Variants in NRXN3 observed in about 807,000 individuals in gnomAD.
NRXN3 encodes neurexin 3.
Under a neutral mutation model 137.6 loss-of-function variants are expected in NRXN3, and 32 were observed. That is an observed-to-expected ratio of 0.23 (90% CI 0.18 to 0.31). NRXN3 has a LOEUF of 0.31. Ranked by LOEUF, NRXN3 falls within the 10% of genes least tolerant of loss-of-function variation. The pLI, the probability that NRXN3 is intolerant of heterozygous loss-of-function variation, is 1.00. For missense variants in NRXN3, 1,574 were observed against 2,062.5 expected (o/e 0.76, Z 4.59); for synonymous variants, 798 against 784.5 (o/e 1.02, Z -0.29).
intron 19 of NRXN3, among the ~76,000 whole-genome samples, chr14:79,782,395 T>G (rs909116084): frequency 6.6e-6 from 1 of 152,194 alleles, no homozygotes; most frequent in African/African-American, 2.4e-5. Context: ...TGACCTTGGA[T>G]GAGTCATGGT....
Position 79,237,140 on chromosome 14 carries a change from A to C in NRXN3, c.3263-230081A>C, listed in dbSNP as rs1486629563. Reference sequence around the variant, plus strand: ...TTAGAGAAAGCTTGAAAAGTTAATTAAAATCAACTTATGTCTCAACATTTT... The same window carrying C: ...TTAGAGAAAGCTTGAAAAGTTAATTCAAATCAACTTATGTCTCAACATTTT... On this transcript the variant is annotated intron_variant, in intron 15 of 20. Transcript: ENST00000335750. 3.3e-5 allele frequency among the ~76,000 whole-genome samples: 5 copies of C among 152,108 alleles called. No homozygotes were observed. The East Asian group carries it at 9.7e-4, about 29-fold the overall frequency.
At chr14:78,732,845 G>T (rs1314132224) in intron 8 of NRXN3, among the ~76,000 whole-genome samples, 4 of 152,286 alleles carry the variant, frequency 2.6e-5, no homozygotes, top group East Asian at 1.9e-4. Flanking sequence ...GCCAGAAAAG[G>T]TTAGTGGGAT....
At position 79,361,652 on chromosome 14, in the gene NRXN3, G is replaced by C. The variant is rs369034466; in HGVS notation, c.3263-105569G>C. Reference sequence around the variant, plus strand: ...GAATCACTTGAACCCAGGAGGCAGAGGTTGCAGTGAGCTGAAATCACGCCA... The same window carrying C: ...GAATCACTTGAACCCAGGAGGCAGACGTTGCAGTGAGCTGAAATCACGCCA... On this transcript the variant is annotated intron_variant, in intron 15 of 20. Transcript: ENST00000335750. 2.9e-3 allele frequency among the ~76,000 whole-genome samples: 441 copies of C among 152,290 alleles called. 3 individuals carry two copies. Among genetic ancestry groups the C allele is most frequent in the African/African-American group, 0.01 (422 of 41,556 alleles).
At chr14:79,660,603 C>A (rs1245503747) in intron 16 of NRXN3, among the ~76,000 whole-genome samples, 1 of 152,144 alleles carries the variant, frequency 6.6e-6, no homozygotes, top group Admixed American at 6.5e-5. Flanking sequence ...ATATATCTTG[C>A]TGATCAGCGA....
intron 19 of NRXN3, among the ~76,000 whole-genome samples, chr14:79,769,493 T>A (rs931593935): frequency 6.6e-6 from 1 of 152,130 alleles, no homozygotes; most frequent in Non-Finnish European, 1.5e-5. Context: ...AAAAGAACTT[T>A]CAACCCAGAA....
intron 16 of NRXN3, among the ~76,000 whole-genome samples, chr14:79,638,184 G>T (rs1225401751): frequency 6.6e-6 from 1 of 152,140 alleles, no homozygotes; most frequent in African/African-American, 2.4e-5. Flanking sequence ...ATAACATGCT[G>T]TAAGTCTGGA....
At chr14:79,334,534 G>A (rs1353777943) in intron 15 of NRXN3, among the ~76,000 whole-genome samples, 5 of 152,214 alleles carry the variant, frequency 3.3e-5, no homozygotes, top group African/African-American at 1.2e-4. Flanking sequence ...GGTAAAGTGA[G>A]GTCAAAGAGA....
intron 15 of NRXN3, among the ~76,000 whole-genome samples, chr14:79,108,430 T>C (rs1478452813): frequency 1.3e-5 from 2 of 152,172 alleles, no homozygotes; most frequent in Non-Finnish European, 2.9e-5. Flanking sequence ...TGGACTTTGC[T>C]ACCTGACAAA....
chr14:78,347,081 C>T (rs1326133764), intron 4 of NRXN3, among the ~76,000 whole-genome samples: 1 of 152,148 alleles, frequency 6.6e-6, no homozygotes, highest in Non-Finnish European at 1.5e-5. Context: ...GTTTTATTAA[C>T]CCCCTGAAGT....
chr14:78,814,654 GT>G (rs776768376), intron 10 of NRXN3, among the ~76,000 whole-genome samples: 2 of 152,108 alleles, frequency 1.3e-5, no homozygotes, highest in Admixed American at 1.3e-4. Context: ...AACCAGGGCT[GT>G]TTTCTGGAGA....
intron 4 of NRXN3, among the ~76,000 whole-genome samples, chr14:78,370,987 A>G (rs1196318794): frequency 6.6e-6 from 1 of 152,212 alleles, no homozygotes; most frequent in Non-Finnish European, 1.5e-5. Context: ...CCAAGAGCTT[A>G]TATGTATCTG....
intron 10 of NRXN3, among the ~76,000 whole-genome samples, chr14:78,938,910 T>A (rs1048311132): frequency 6.7e-6 from 1 of 148,208 alleles, no homozygotes; most frequent in African/African-American, 2.5e-5. Flanking sequence ...AGTGGCGCAA[T>A]CTCGGCTCAC....
rs753449383 is a variant in NRXN3 at position 78,190,610 on chromosome 14, CATTTATTTATTTATTTATTT to C, written c.-704+19962_-704+19981del. On this transcript the variant is annotated intron_variant, in intron 1 of 20. Transcript: ENST00000335750. ...GGAAGAATGCAGCTTGTGTCAGTAA[CATTTATTTATTTATTTATTT>C]ATTTATTTATTTATTTATTTATTTA... Among the ~76,000 whole-genome samples, 1,364 of 146,754 alleles carry C rather than the reference CATTTATTTATTTATTTATTT, an allele frequency of 9.3e-3. 11 individuals are homozygous for C. Among genetic ancestry groups the C allele is most frequent in the African/African-American group, 0.012 (492 of 39,528 alleles).
chr14:79,672,926 G>A (rs972009166), intron 17 of NRXN3, among the ~76,000 whole-genome samples: 5 of 152,048 alleles, frequency 3.3e-5, no homozygotes, highest in Non-Finnish European at 7.4e-5. Flanking sequence ...GAGCTTCTTT[G>A]AGAAAGGTGG....
At chr14:78,593,950 G>A (rs956710009) in intron 4 of NRXN3, among the ~76,000 whole-genome samples, 1 of 152,164 alleles carries the variant, frequency 6.6e-6, no homozygotes. Flanking sequence ...TGATATGGAA[G>A]GGTCTGGAGG....
At chr14:79,234,338 AT>A (rs2072973013) in intron 15 of NRXN3, among the ~76,000 whole-genome samples, 3 of 108,048 alleles carry the variant, frequency 2.8e-5, no homozygotes, top group South Asian at 2.9e-4. Context: ...ATATATATAT[AT>A]AATATTTATA....
At chr14:79,124,433 GA>G (rs1230164663) in intron 15 of NRXN3, among the ~76,000 whole-genome samples, 2 of 152,180 alleles carry the variant, frequency 1.3e-5, no homozygotes, top group Non-Finnish European at 2.9e-5. Context: ...ATCTCTGACA[GA>G]TGGAAATTGG....
intron 15 of NRXN3, among the ~76,000 whole-genome samples, chr14:79,065,310 C>G (rs945587586): frequency 6.6e-6 from 1 of 151,960 alleles, no homozygotes; most frequent in Non-Finnish European, 1.5e-5. Context: ...AGAAAGGAAC[C>G]GGTCAGGTAG....
rs532218074 is a variant in NRXN3, at chr14:79,843,036, A to G, written c.4094-18306A>G. Among the ~76,000 whole-genome samples the G allele has an allele frequency of 1.2e-4, 18 of 152,290 alleles. No individual in the cohort carries two copies. The South Asian group carries it at 3.7e-3, about 32-fold the overall frequency. On this transcript the variant is annotated intron_variant, in intron 20 of 20. Transcript: ENST00000335750. ...CTCTTAGCATAAAACCCTGCAAGTT[A>G]TGTATATTGTAGCAAATGGCAGGAT...
Sources: allele counts gnomAD v4.1 joint callset (sites outside exome capture counted in the v4.1 genomes callset), GRCh38; gene constraint gnomAD v4.1.1; transcripts MANE v1.5; gene names NCBI Gene and HGNC (gene_info 2026-07-23, HGNC 2026-07-21).